Variants in FADS6 observed in about 807,000 individuals in gnomAD.
FADS6 encodes the protein fatty acid desaturase domain family, member 6.
FADS6 carries 28 observed loss-of-function variants against 31.7 expected under a neutral mutation model. That is an observed-to-expected ratio of 0.88 (90% CI 0.66 to 1.21). The LOEUF (loss-of-function observed/expected upper bound fraction) is 1.21, where lower values mean the gene tolerates loss of function less well. FADS6 is among the 50% of genes most tolerant of loss of function. The probability of loss-of-function intolerance (pLI) is 0.00; values close to 1 mark genes in which losing one functional copy is unlikely to be tolerated. For missense variants in FADS6, 494 were observed against 504.2 expected (o/e 0.98, Z 0.19); for synonymous variants, 191 against 213.1 (o/e 0.90, Z 0.90).
At chr17:74,881,597 G>A (rs1354024795) in intron 3 of FADS6, among the ~76,000 whole-genome samples, 4 of 151,746 alleles carry the variant, frequency 2.6e-5, no homozygotes, top group Non-Finnish European at 5.9e-5. Flanking sequence ...TACTCAGGAG[G>A]AGCCTGGCCT....
At chr17:74,884,999 C>T (rs1360418473) in intron 2 of FADS6, among the ~76,000 whole-genome samples, 3 of 152,138 alleles carry the variant, frequency 2.0e-5, no homozygotes, top group Non-Finnish European at 2.9e-5. Context: ...TGAGCCACTG[C>T]GCCCAGCCTA....
chr17:74,889,533 GT>G (rs1204454271), intron 2 of FADS6, among the ~76,000 whole-genome samples: 15 of 146,822 alleles, frequency 1.0e-4, no homozygotes, highest in Non-Finnish European at 9.0e-5. Context: ...CAAACTTGCA[GT>G]TAAAAAAACA....
chr17:74,883,020 G>A (rs535773680), intron 2 of FADS6: 14 of 519,768 alleles, frequency 2.7e-5, no homozygotes, highest in South Asian at 8.1e-5. Flanking sequence ...AGAGTCTGTC[G>A]TGATTGGAGG....
chr17:74,888,561 AC>A, intron 2 of FADS6, among the ~76,000 whole-genome samples: 1 of 151,718 alleles, frequency 6.6e-6, no homozygotes, highest in East Asian at 2.0e-4. Flanking sequence ...CCCTGTTTCC[AC>A]CCCCACAAGA....
intron 2 of FADS6, among the ~76,000 whole-genome samples, chr17:74,891,276 G>A (rs151295792): frequency 0.013 from 2,014 of 152,024 alleles, 22 homozygotes; most frequent in Middle Eastern, 0.037. Context: ...GACCTCAGGC[G>A]ATCCACCTGC....
chr17:74,878,432 A>G lies in FADS6; in HGVS notation c.1006T>C (p.Tyr336His). ...SQFLREKQLP[Y>H]NEDSYLARFQ... is the part of the protein sequence containing the mutation. ...CGAGCCAGGTATGAGTCCTCGTTGT[A>G]CGGTAGCTGCTTCTCACGTAGGAAC... Residue 336 changes from tyrosine to histidine, a missense_variant, in exon 6 of 6, where the codon TAC becomes CAC. Physicochemically the swap from Tyr to His is moderately conservative, Grantham distance 83. Coordinates refer to ENST00000612771, the MANE Select transcript of FADS6 (RefSeq NM_178128.6). 2 of 1,614,026 alleles carry G rather than the reference A, an allele frequency of 1.2e-6. No individual in the cohort carries two copies. The highest frequency in any genetic ancestry group is 1.1e-5 in the South Asian group (1 of 91,088).
In FADS6 at chr17:74,881,207, A is replaced by C; in HGVS notation, c.641T>G (p.Leu214Arg). Residue 214 changes from leucine to arginine, a missense_variant, in exon 4 of 6, where the codon CTG becomes CGG. Physicochemically the swap from Leu to Arg is moderately radical, Grantham distance 102. Around this residue, in one of 2 missense-constraint regions of FADS6, gnomAD observed 454 missense variants for 438.5 expected, o/e 1.04. Transcript: ENST00000612771. ...GTGAGAATAAAGGCCCAGAGAAATC[A>C]GGGCCAGCGTCCGCAGGGCTGTCCC... ...ELGTALRTLA[L>R]ISLGLYSHYW... is the part of the protein sequence containing the mutation. 6.2e-7 allele frequency: 1 copy of C among 1,610,436 alleles called. No individual in the cohort carries two copies. Among genetic ancestry groups the C allele is most frequent in the Non-Finnish European group, 8.5e-7 (1 of 1,178,342 alleles).
In FADS6 at chr17:74,882,890, G is replaced by A. The variant is rs1016636672; in HGVS notation, c.412-180C>T. On this transcript the variant is annotated intron_variant, in intron 2 of 5. Coordinates refer to ENST00000612771, the MANE Select transcript of FADS6 (RefSeq NM_178128.6). ...TCAACTCTCAGGTATCTATGACCAC[G>A]GAGTGGCAGCCAGTCAATACAATCG... 3.0e-5 allele frequency: 44 copies of A among 1,459,802 alleles called. 1 individual carries two copies. The highest frequency in any genetic ancestry group is 1.1e-4 in the African/African-American group (8 of 71,302). 90.4% of individuals were successfully genotyped at this position (1,459,802 alleles called of 1,614,324 possible).
Sources: allele counts gnomAD v4.1 joint callset (sites outside exome capture counted in the v4.1 genomes callset), GRCh38; gene constraint gnomAD v4.1.1; regional missense constraint gnomAD v4.1.1; transcripts MANE v1.5; gene names NCBI Gene and HGNC (gene_info 2026-07-23, HGNC 2026-07-21).